Variants in ZNF704 observed in about 807,000 individuals in gnomAD.
The protein encoded by ZNF704 is zinc finger protein 704.
ZNF704 carries 10 observed loss-of-function variants against 44.7 expected under a neutral mutation model. That is an observed-to-expected ratio of 0.22 (90% CI 0.14 to 0.38). The LOEUF (loss-of-function observed/expected upper bound fraction) is 0.38, where lower values mean the gene tolerates loss of function less well. Ranked by LOEUF, ZNF704 falls within the 10% of genes least tolerant of loss-of-function variation. The probability of loss-of-function intolerance (pLI) is 1.00; values close to 1 mark genes in which losing one functional copy is unlikely to be tolerated. For missense variants in ZNF704, 390 were observed against 545.5 expected, an observed-to-expected ratio of 0.71 and a Z score of 2.84; for synonymous variants, 211 against 207.6, an observed-to-expected ratio of 1.02 and a Z score of -0.14.
At chr8:80,774,292 A>G (rs756943341) in intron 2 of ZNF704, among the ~76,000 whole-genome samples, 9 of 152,160 alleles carry the variant, frequency 5.9e-5, no homozygotes, top group Admixed American at 2.6e-4. Flanking sequence ...CTGATCCTGA[A>G]TTCCTGGGCT....
At chr8:80,831,647 AGG>A (rs574917609) in intron 1 of ZNF704, among the ~76,000 whole-genome samples, 127 of 152,242 alleles carry the variant, frequency 8.3e-4, no homozygotes, top group Non-Finnish European at 1.3e-3. Context: ...AAAGCTGGTA[AGG>A]GCAAGAGAAA....
intron 1 of ZNF704, 117 bp from the exon 2 acceptor site, chr8:80,821,732 G>A (rs1218096182): frequency 1.4e-6 from 1 of 740,642 alleles, no homozygotes; most frequent in Non-Finnish European, 2.2e-6. Flanking sequence ...CTGAAAGATT[G>A]TATAATTTTA....
intron 2 of ZNF704, among the ~76,000 whole-genome samples, chr8:80,771,811 C>T (rs1476741112): frequency 1.3e-5 from 2 of 152,128 alleles, no homozygotes; most frequent in African/African-American, 4.8e-5. Flanking sequence ...CAGCTTTCCC[C>T]CATGAAGTAT....
At chr8:80,760,112 C>T (rs1207276123) in intron 2 of ZNF704, among the ~76,000 whole-genome samples, 1 of 152,142 alleles carries the variant, frequency 6.6e-6, no homozygotes, top group African/African-American at 2.4e-5. Context: ...GCAGTTGACC[C>T]AGCTAAGCTG....
intron 2 of ZNF704, among the ~76,000 whole-genome samples, chr8:80,815,860 T>A (rs745773012): frequency 1.3e-5 from 2 of 152,222 alleles, no homozygotes; most frequent in Non-Finnish European, 2.9e-5. Context: ...CAGATGTCTC[T>A]CACTTTAGAA....
chr8:80,754,608 C>CTGACTTGCTGCCAAACAAAAAACCAT (rs1807003985), intron 2 of ZNF704, among the ~76,000 whole-genome samples: 1 of 152,160 alleles, frequency 6.6e-6, no homozygotes, highest in Non-Finnish European at 1.5e-5. Context: ...CAAAAAGAAA[C>CTGACTTGCTGCCAAACAAAAAACCAT]TGACTTGCTG....
chr8:80,684,373 T>C (rs6992359), intron 4 of ZNF704, among the ~76,000 whole-genome samples: 24,619 of 152,206 alleles, frequency 0.16, 3,909 homozygotes, highest in African/African-American at 0.41. Context: ...GTACAGTGTA[T>C]TCTATTCTGT....
chr8:80,644,788 T>C (rs1787307069), intron 7 of ZNF704, among the ~76,000 whole-genome samples: 1 of 152,194 alleles, frequency 6.6e-6, no homozygotes, highest in African/African-American at 2.4e-5. Flanking sequence ...AGCAAAGCAG[T>C]TACCAGCACA....
chr8:80,706,886 A>C (rs1818906505), intron 2 of ZNF704, among the ~76,000 whole-genome samples: 1 of 152,256 alleles, frequency 6.6e-6, no homozygotes, highest in East Asian at 1.9e-4. Flanking sequence ...TACACTGTGA[A>C]GAGCGGGACA....
At chr8:80,843,441 T>C (rs1808714156) in intron 1 of ZNF704, among the ~76,000 whole-genome samples, 1 of 152,246 alleles carries the variant, frequency 6.6e-6, no homozygotes, top group Non-Finnish European at 1.5e-5. Flanking sequence ...CTCTTGTTCA[T>C]GTGTTAGCAT....
At chr8:80,642,904 A>C (rs1266386740) in intron 8 of ZNF704, 131 bp downstream of exon 8, 1 of 531,186 alleles carries the variant, frequency 1.9e-6, no homozygotes, top group Non-Finnish European at 3.0e-6. Flanking sequence ...ACCATGGGAA[A>C]AAAAGAAAGG....
At chr8:80,843,729 A>G (rs928007587) in intron 1 of ZNF704, among the ~76,000 whole-genome samples, 1 of 152,198 alleles carries the variant, frequency 6.6e-6, no homozygotes, top group Non-Finnish European at 1.5e-5. Context: ...GGTTGTATGA[A>G]AGACTTCAAA....
At chr8:80,831,093 T>G (rs186464828) in intron 1 of ZNF704, among the ~76,000 whole-genome samples, 2 of 152,144 alleles carry the variant, frequency 1.3e-5, no homozygotes, top group East Asian at 3.9e-4. Flanking sequence ...AACAAAAATT[T>G]GGAAATTGTG....
intron 1 of ZNF704, among the ~76,000 whole-genome samples, chr8:80,832,307 A>G (rs576134759): frequency 6.6e-6 from 1 of 152,306 alleles, no homozygotes; most frequent in East Asian, 1.9e-4. Flanking sequence ...TTCCTAAGAC[A>G]GGGACTGAAG....
intron 2 of ZNF704, among the ~76,000 whole-genome samples, chr8:80,770,971 A>C (rs1807309803): frequency 6.6e-6 from 1 of 152,152 alleles, no homozygotes; most frequent in Non-Finnish European, 1.5e-5. Context: ...TTTGTTGTGA[A>C]AGATAACCTT....
At chr8:80,796,258 G>C (rs1807799111) in intron 2 of ZNF704, among the ~76,000 whole-genome samples, 1 of 152,224 alleles carries the variant, frequency 6.6e-6, no homozygotes, top group Non-Finnish European at 1.5e-5. Context: ...AGGCAGCACA[G>C]GGAATCACGT....
intron 2 of ZNF704, among the ~76,000 whole-genome samples, chr8:80,713,461 T>C (rs1819024403): frequency 6.6e-6 from 1 of 152,208 alleles, no homozygotes; most frequent in Non-Finnish European, 1.5e-5. Context: ...TCCACTAAGT[T>C]GGGAACTTTA....
intron 2 of ZNF704, among the ~76,000 whole-genome samples, chr8:80,815,924 T>C (rs1411141089): frequency 2.6e-5 from 4 of 152,238 alleles, no homozygotes; most frequent in Non-Finnish European, 1.5e-5. Context: ...AACATAACTA[T>C]GTTTCTAGCT....
chr8:80,785,269 G>C (rs1807595489), intron 2 of ZNF704, among the ~76,000 whole-genome samples: 2 of 152,136 alleles, frequency 1.3e-5, no homozygotes, highest in Admixed American at 6.5e-5. Flanking sequence ...CTGGGGCTAT[G>C]GGTTTTTGGG....
Sources: allele counts gnomAD v4.1 joint callset (sites outside exome capture counted in the v4.1 genomes callset), GRCh38; gene constraint gnomAD v4.1.1; transcripts MANE v1.5; gene names NCBI Gene and HGNC (gene_info 2026-07-23, HGNC 2026-07-21).